The following KIF21A variants were observed in gnomAD, a reference collection of about 807,000 sequenced individuals.
KIF21A encodes the protein kinesin-like protein KIF21A.
In KIF21A, 114 loss-of-function variants were observed where a neutral mutation model predicts 202.9. The ratio of observed to expected loss-of-function variants is 0.56; its 90% CI spans 0.48 to 0.66. The LOEUF is 0.66. Ranked by LOEUF, KIF21A falls within the 30% of genes least tolerant of loss-of-function variation. The pLI, the probability that KIF21A is intolerant of heterozygous loss-of-function variation, is 0.00. For missense variants in KIF21A, 1,677 were observed against 1,994.9 expected (o/e 0.84, Z 3.04); for synonymous variants, 667 against 670.8 (o/e 0.99, Z 0.09).
intron 1 of KIF21A, among the ~76,000 whole-genome samples, chr12:39,399,772 C>T (rs1952028399): frequency 1.3e-5 from 2 of 152,184 alleles, no homozygotes; most frequent in South Asian, 4.1e-4. Flanking sequence ...GGGCCTCTCA[C>T]TCACCTCAAT....
At chr12:39,327,659 T>C (rs959307323) in intron 24 of KIF21A, among the ~76,000 whole-genome samples, 31 of 152,172 alleles carry the variant, frequency 2.0e-4, no homozygotes, top group Non-Finnish European at 1.6e-4. Context: ...GAGATAATGG[T>C]GTCTTGACAG....
chr12:39,320,058 A>G (rs1263987184), intron 27 of KIF21A, 45 bp from the exon 28 acceptor site: 3 of 1,133,502 alleles, frequency 2.6e-6, no homozygotes, highest in Non-Finnish European at 3.9e-6. Context: ...CTAAATTTGC[A>G]CATACAACTT....
chr12:39,422,308 T>C (rs575499606), intron 1 of KIF21A, among the ~76,000 whole-genome samples: 14 of 152,218 alleles, frequency 9.2e-5, no homozygotes, highest in African/African-American at 3.4e-4. Context: ...CCCTTGCAAG[T>C]AGTCTTGTGA....
intron 33 of KIF21A, among the ~76,000 whole-genome samples, chr12:39,308,088 C>T (rs1035486877): frequency 8.6e-5 from 13 of 151,680 alleles, no homozygotes; most frequent in African/African-American, 2.7e-4. Flanking sequence ...TCAACAAATG[C>T]CTGGGTGTAG....
chr12:39,390,801 A>T (rs1201371951), intron 1 of KIF21A, among the ~76,000 whole-genome samples: 1 of 152,192 alleles, frequency 6.6e-6, no homozygotes, highest in East Asian at 1.9e-4. Flanking sequence ...TATGCCAGTC[A>T]TTTTATATGC....
At chr12:39,314,878 GT>G (rs1300429792) in intron 31 of KIF21A, among the ~76,000 whole-genome samples, 1 of 151,440 alleles carries the variant, frequency 6.6e-6, no homozygotes, top group Non-Finnish European at 1.5e-5. Flanking sequence ...TGATTATTCA[GT>G]CTTTTGAGAA....
In KIF21A at chr12:39,363,263, A is replaced by T. The variant is rs1190561873; in HGVS notation, c.904-50T>A. 2.8e-6 allele frequency: 3 copies of T among 1,059,108 alleles called. No individual in the cohort carries two copies. In the African/African-American group the frequency reaches 4.7e-5, roughly 17 times the overall value. 65.6% of individuals were successfully genotyped at this position (1,059,108 alleles called of 1,614,324 possible). A position where few individuals can be genotyped will look rare whatever the true frequency, so the allele number is the denominator to read the frequency against. Reference sequence around the variant, plus strand: ...GCAAAATGATACAAATTTACTAATTATAACAATTTTAAATAAAGAAAGTTT... The same window carrying T: ...GCAAAATGATACAAATTTACTAATTTTAACAATTTTAAATAAAGAAAGTTT... On this transcript the variant is annotated intron_variant, in intron 6 of 37. Coordinates refer to ENST00000361418, the MANE Select transcript of KIF21A (RefSeq NM_001173464.2).
chr12:39,351,704 T>G (rs1948394379), intron 11 of KIF21A, 73 bp downstream of exon 11: 4 of 894,364 alleles, frequency 4.5e-6, no homozygotes, highest in Non-Finnish European at 7.2e-6. Flanking sequence ...CTATGTATGC[T>G]CTTTATAATT....
intron 24 of KIF21A, chr12:39,329,994 G>A (rs1946369791): frequency 2.5e-6 from 1 of 397,032 alleles, no homozygotes; most frequent in Non-Finnish European, 4.6e-6. Flanking sequence ...GGCACAACTG[G>A]AACTCAGATA....
At chr12:39,307,770 A>G in intron 33 of KIF21A, 41 bp from the exon 34 acceptor site, 1 of 1,594,876 alleles carries the variant, frequency 6.3e-7, no homozygotes. Flanking sequence ...ACACTTCTGG[A>G]CTTGGGTTTG....
intron 1 of KIF21A, among the ~76,000 whole-genome samples, chr12:39,416,715 G>GTATATATATATGTACATATATATGTGTA (rs35740569): frequency 4.0e-5 from 3 of 74,326 alleles, no homozygotes; most frequent in Non-Finnish European, 2.4e-5. Flanking sequence ...ATATATGTGT[G>GTATATATATATGTACATATATATGTGTA]TATATATGTA....
Position 39,342,068 on chromosome 12 carries a change from C to T in KIF21A, c.1769G>A (p.Gly590Asp), listed in dbSNP as rs754807741. ...TTCATTGTTTTCTCTTTCCGAAACA[C>T]CCTTTTCTTCTTTCTTCTCTTGGTC... ...DTDQEKKEEKGVSERENNELE... is the reference protein window; with the variant it reads ...DTDQEKKEEKDVSERENNELE... Residue 590 changes from glycine to aspartate, a missense_variant, in exon 13 of 38, where the codon GGT becomes GAT. Gly to Asp is a moderately conservative substitution (Grantham distance 94). Coordinates refer to ENST00000361418, the MANE Select transcript of KIF21A (RefSeq NM_001173464.2). 97 of 1,611,736 alleles carry T rather than the reference C, an allele frequency of 6.0e-5. No homozygotes were observed. The highest frequency in any genetic ancestry group is 2.7e-4 in the Admixed American group (16 of 59,918).
intron 1 of KIF21A, among the ~76,000 whole-genome samples, chr12:39,434,707 T>A (rs1027516532): frequency 6.6e-6 from 1 of 152,182 alleles, no homozygotes; most frequent in African/African-American, 2.4e-5. Context: ...TAATTATATA[T>A]TATATGAATG....
rs376142046 is a variant in KIF21A, at chr12:39,333,207, T to A, written c.2487+5A>T. ...TCTTCCAAATGGTCAGCTTGCTTACTGTACCTCTTCAGTTTTGCGACGTAG... is the reference window on the plus strand; with the variant it reads ...TCTTCCAAATGGTCAGCTTGCTTACAGTACCTCTTCAGTTTTGCGACGTAG... On this transcript the variant is annotated splice_donor_5th_base_variant and intron_variant, in intron 18 of 37. Transcript: ENST00000361418. 1.4e-4 allele frequency: 222 copies of A among 1,613,500 alleles called. No homozygotes were observed. The African/African-American group carries it at 2.7e-3, about 19-fold the overall frequency.
intron 1 of KIF21A, among the ~76,000 whole-genome samples, chr12:39,434,678 G>A (rs973530654): frequency 6.6e-6 from 1 of 152,010 alleles, no homozygotes; most frequent in African/African-American, 2.4e-5. Flanking sequence ...TGTGATTCCA[G>A]TACACAATGA....
At chr12:39,402,769 T>C (rs1398106589) in intron 1 of KIF21A, among the ~76,000 whole-genome samples, 1 of 152,192 alleles carries the variant, frequency 6.6e-6, no homozygotes, top group Admixed American at 6.5e-5. Context: ...TTTTAGCTCA[T>C]CAACTATCAT....
At chr12:39,338,091 C>T (rs530352205) in intron 16 of KIF21A, among the ~76,000 whole-genome samples, 1 of 152,252 alleles carries the variant, frequency 6.6e-6, no homozygotes, top group East Asian at 1.9e-4. Flanking sequence ...GCATTGTTAT[C>T]ATAGGAGATG....
At chr12:39,441,450 G>A (rs1197656454) in intron 1 of KIF21A, among the ~76,000 whole-genome samples, 1 of 151,670 alleles carries the variant, frequency 6.6e-6, no homozygotes, top group Non-Finnish European at 1.5e-5. Context: ...TGGGTTTTCT[G>A]TCTTTTTCCT....
At chr12:39,392,368 C>A (rs1000963610) in intron 1 of KIF21A, among the ~76,000 whole-genome samples, 8 of 152,140 alleles carry the variant, frequency 5.3e-5, no homozygotes, top group Admixed American at 1.3e-4. Flanking sequence ...ATTCTCCCAA[C>A]CCCTGTTTGT....
Sources: gnomAD v4.1 joint callset for allele counts (sites outside exome capture counted in the v4.1 genomes callset) on GRCh38, gnomAD v4.1.1 for gene constraint, MANE v1.5 for transcripts, NCBI Gene and HGNC (gene_info 2026-07-23, HGNC 2026-07-21) for gene names.